The following UGT1A6 variants were observed in gnomAD, a reference collection of about 807,000 sequenced individuals.
The protein encoded by UGT1A6 is UDP-glucuronosyltransferase 1A6.
UGT1A6 carries 32 observed loss-of-function variants against 44.4 expected under a neutral mutation model. That is an observed-to-expected ratio of 0.72 (90% CI 0.54 to 0.97). UGT1A6 has a LOEUF of 0.97. Among genes scored for constraint, UGT1A6 ranks in the 50% least tolerant of loss-of-function variants. The pLI, the probability that UGT1A6 is intolerant of heterozygous loss-of-function variation, is 0.00. For synonymous variants in UGT1A6, 238 were observed against 248.5 expected (o/e 0.96, Z 0.40); for missense variants, 685 against 661.9 (o/e 1.03, Z -0.38).
intron 1 of UGT1A6, among the ~76,000 whole-genome samples, chr2:233,765,026 C>T (rs2741015): frequency 2.6e-5 from 4 of 151,980 alleles, no homozygotes; most frequent in Admixed American, 2.0e-4. Context: ...TGGCAGGAGT[C>T]CTGCTGTGCA....
chr2:233,732,561 G>A (rs1386480566), intron 1 of UGT1A6, among the ~76,000 whole-genome samples: 1 of 152,180 alleles, frequency 6.6e-6, no homozygotes, highest in African/African-American at 2.4e-5. Context: ...ATTAAATAAG[G>A]AATCCTTTCC....
At chr2:233,758,087 A>T (rs1470307117) in intron 1 of UGT1A6, among the ~76,000 whole-genome samples, 1 of 152,172 alleles carries the variant, frequency 6.6e-6, no homozygotes, top group Non-Finnish European at 1.5e-5. Context: ...TTCCTAGCAT[A>T]GTGACTGCCA....
upstream of UGT1A6, chr2:233,692,760 G>A: frequency 8.2e-7 from 1 of 1,218,436 alleles, no homozygotes. Flanking sequence ...TTGTGGAGCT[G>A]AAGAGAAACA....
At chr2:233,749,482 T>C (rs1349900601) in intron 1 of UGT1A6, among the ~76,000 whole-genome samples, 2 of 151,916 alleles carry the variant, frequency 1.3e-5, no homozygotes, top group Non-Finnish European at 2.9e-5. Flanking sequence ...CAGATCACTC[T>C]TGCTATGCCC....
chr2:233,729,663 T>C (rs137893400), intron 1 of UGT1A6: 1,316 of 1,613,944 alleles, frequency 8.2e-4, no homozygotes, highest in Non-Finnish European at 1.0e-3. Context: ...TTCCATGTGA[T>C]TTAGACTTTA....
At chr2:233,737,920 A>AT (rs1189793368) in intron 1 of UGT1A6, among the ~76,000 whole-genome samples, 1 of 152,076 alleles carries the variant, frequency 6.6e-6, no homozygotes, top group Non-Finnish European at 1.5e-5. Context: ...AGGCTAGTGT[A>AT]TTTAGTAGTG....
At chr2:233,703,314 T>C (rs1197149723) in intron 1 of UGT1A6, among the ~76,000 whole-genome samples, 1 of 147,298 alleles carries the variant, frequency 6.8e-6, no homozygotes, top group Non-Finnish European at 1.5e-5. Flanking sequence ...TTTCATATTT[T>C]TAGCAATTTT....
chr2:233,766,888 A>G, intron 1 of UGT1A6, 146 bp from the exon 2 acceptor site: 1 of 1,462,694 alleles, frequency 6.8e-7, no homozygotes. Flanking sequence ...TGTAAAACTT[A>G]CATATTAATA....
intron 1 of UGT1A6, among the ~76,000 whole-genome samples, chr2:233,696,390 C>T (rs529082756): frequency 2.6e-5 from 4 of 152,010 alleles, no homozygotes; most frequent in African/African-American, 7.2e-5. Context: ...ATTCTTTGTA[C>T]GTTTTGTAAA....
At position 233,772,686 on chromosome 2, in the gene UGT1A6, C is replaced by T. The variant is rs1700541749; in HGVS notation, c.*127C>T. The T allele has an allele frequency of 2.0e-6, 3 of 1,495,122 alleles. No individual in the cohort carries two copies. The highest frequency in any genetic ancestry group is 2.4e-5 in the Admixed American group (1 of 41,056). 92.6% of individuals were successfully genotyped at this position (1,495,122 alleles called of 1,614,324 possible). A position where few individuals can be genotyped will look rare whatever the true frequency, so the allele number is the denominator to read the frequency against. On this transcript the variant is annotated 3_prime_UTR_variant, in exon 5 of 5. Coordinates refer to ENST00000305139, the MANE Select transcript of UGT1A6 (RefSeq NM_001072.4). ...ATACTTTGCATAAATTAATCAGCCCCAGAGTGCTTTAAAAAATTCTCTTAA... is the reference window on the plus strand; with the variant it reads ...ATACTTTGCATAAATTAATCAGCCCTAGAGTGCTTTAAAAAATTCTCTTAA...
At chr2:233,748,872 G>A (rs1337715059) in intron 1 of UGT1A6, among the ~76,000 whole-genome samples, 3 of 151,552 alleles carry the variant, frequency 2.0e-5, no homozygotes, top group Non-Finnish European at 4.4e-5. Context: ...GCTGGGGACG[G>A]TGATGAATGG....
intron 1 of UGT1A6, chr2:233,754,837 T>G (rs1695606156): frequency 1.5e-6 from 2 of 1,344,356 alleles, no homozygotes; most frequent in South Asian, 2.3e-5. Flanking sequence ...GGAAATTCAC[T>G]GAAGGCAGAG....
At chr2:233,711,280 T>C (rs1376042082) in intron 1 of UGT1A6, among the ~76,000 whole-genome samples, 3 of 152,194 alleles carry the variant, frequency 2.0e-5, no homozygotes, top group Non-Finnish European at 4.4e-5. Flanking sequence ...CTAGGAGTCC[T>C]AGACGTGGGA....
intron 1 of UGT1A6, among the ~76,000 whole-genome samples, chr2:233,748,714 G>C (rs1019061059): frequency 6.6e-6 from 1 of 151,630 alleles, no homozygotes; most frequent in Non-Finnish European, 1.5e-5. Flanking sequence ...TTGGGGTCTG[G>C]TGCATGATGT....
At chr2:233,692,144 A>G (rs1047287655), upstream of UGT1A6, 1 of 152,200 alleles carries the variant, frequency 6.6e-6, no homozygotes, top group East Asian at 1.9e-4. Flanking sequence ...ATGGAAGCCT[A>G]CATAAAAACT....
At chr2:233,770,243 A>G (rs1307269506) in intron 4 of UGT1A6, 1 of 152,248 alleles carries the variant, frequency 6.6e-6, no homozygotes, top group African/African-American at 2.4e-5. Context: ...CCATGATTCC[A>G]ACACTCTGAG....
intron 1 of UGT1A6, among the ~76,000 whole-genome samples, chr2:233,724,591 T>C (rs2077285744): frequency 8.2e-6 from 1 of 122,228 alleles, no homozygotes; most frequent in Non-Finnish European, 1.7e-5. Context: ...TCCCCACATC[T>C]CAGACGATGG....
chr2:233,712,743 GT>G lies in UGT1A6; in HGVS notation c.861+18880del, dbSNP rs202230565. 8.9e-3 allele frequency among the ~76,000 whole-genome samples: 1,329 copies of G among 149,812 alleles called. 32 individuals are homozygous for G. The highest frequency in any genetic ancestry group is 0.03 in the African/African-American group (1,238 of 40,826). The stretch of plus-strand genomic sequence containing the variant: ...GAGAAACAAGAGCTTGAACTTGGAT[GT>G]TCCCCAGAGCGAGCGCAAGGTCAGA... On this transcript the variant is annotated intron_variant, in intron 1 of 4. Transcript: ENST00000305139.
At chr2:233,725,000 C>T (rs545326443) in intron 1 of UGT1A6, among the ~76,000 whole-genome samples, 7 of 147,222 alleles carry the variant, frequency 4.8e-5, no homozygotes, top group Admixed American at 1.4e-4. Context: ...GGCTGGAGAC[C>T]GGCCCGGCCA....
Sources: allele counts gnomAD v4.1 joint callset (sites outside exome capture counted in the v4.1 genomes callset), GRCh38; gene constraint gnomAD v4.1.1; transcripts MANE v1.5; gene names NCBI Gene and HGNC (gene_info 2026-07-23, HGNC 2026-07-21).